DOCK7: variants seen among roughly 807,000 people sequenced by gnomAD.
DOCK7 encodes the protein dedicator of cytokinesis 7.
A neutral mutation model predicts 271.0 loss-of-function variants in DOCK7; 138 were observed. That is an observed-to-expected ratio of 0.51 (90% CI 0.44 to 0.59). The LOEUF (loss-of-function observed/expected upper bound fraction) is 0.59, where lower values mean the gene tolerates loss of function less well. Among genes scored for constraint, DOCK7 ranks in the 20% least tolerant of loss-of-function variants. The probability of loss-of-function intolerance (pLI) is 0.00; values close to 1 mark genes in which losing one functional copy is unlikely to be tolerated. For synonymous variants in DOCK7, 823 were observed against 876.1 expected, an observed-to-expected ratio of 0.94 and a Z score of 1.07; for missense variants, 2,066 against 2,592.4, an observed-to-expected ratio of 0.80 and a Z score of 4.41.
chr1:62,494,253 T>G, intron 40 of DOCK7, 22 bp downstream of exon 40: 1 of 1,549,914 alleles, frequency 6.5e-7, no homozygotes, highest in East Asian at 2.3e-5. Flanking sequence ...CTTGATTTAA[T>G]GTACATCTGG....
At chr1:62,600,133 C>A (rs1005695902) in intron 14 of DOCK7, among the ~76,000 whole-genome samples, 2 of 151,816 alleles carry the variant, frequency 1.3e-5, no homozygotes, top group African/African-American at 2.4e-5. Context: ...TCAATTATAT[C>A]TTTTACTATG....
chr1:62,661,790 G>A (rs1211903229), intron 2 of DOCK7, among the ~76,000 whole-genome samples: 1 of 152,032 alleles, frequency 6.6e-6, no homozygotes, highest in African/African-American at 2.4e-5. Context: ...TTACATATGG[G>A]TTATAGTTAT....
At chr1:62,629,825 A>G (rs1052396064) in intron 11 of DOCK7, among the ~76,000 whole-genome samples, 2 of 152,256 alleles carry the variant, frequency 1.3e-5, no homozygotes, top group African/African-American at 4.8e-5. Context: ...TCCCTACAGC[A>G]TATTTCTGGT....
chr1:62,644,522 A>T (rs1458546634), intron 7 of DOCK7, among the ~76,000 whole-genome samples: 2 of 152,204 alleles, frequency 1.3e-5, no homozygotes, highest in Non-Finnish European at 2.9e-5. Context: ...TAGCTACAGA[A>T]CACTTACTCC....
chr1:62,536,895 C>T (rs965737394), intron 28 of DOCK7, among the ~76,000 whole-genome samples: 1 of 152,170 alleles, frequency 6.6e-6, no homozygotes, highest in African/African-American at 2.4e-5. Flanking sequence ...ATCTCTTCAT[C>T]TCAATTTATA....
chr1:62,667,568 A>G (rs971906490), intron 1 of DOCK7, among the ~76,000 whole-genome samples: 2 of 152,200 alleles, frequency 1.3e-5, no homozygotes, highest in Admixed American at 1.3e-4. Context: ...TACAAAAATT[A>G]GCTGGGCATG....
chr1:62,550,776 A>C lies in DOCK7; in HGVS notation c.2766+1956T>G, dbSNP rs1220838155. ...ACTCTTGTCTCACAGGCTGGAGTGC[A>C]ATGGTGAGATCTCGGCTCCCTGCAA... On this transcript the variant is annotated intron_variant, in intron 22 of 49. Coordinates refer to ENST00000635253, the MANE Select transcript of DOCK7 (RefSeq NM_001367561.1). 3.3e-5 allele frequency among the ~76,000 whole-genome samples: 5 copies of C among 151,318 alleles called. No individual in the cohort carries two copies. The East Asian group carries it at 9.7e-4, about 29-fold the overall frequency.
At chr1:62,473,342 A>G (rs1433406517) in intron 48 of DOCK7, among the ~76,000 whole-genome samples, 1 of 152,116 alleles carries the variant, frequency 6.6e-6, no homozygotes, top group Non-Finnish European at 1.5e-5. Flanking sequence ...GGGGGGAGGG[A>G]AGCAGAAACT....
intron 1 of DOCK7, 34 bp from the exon 2 acceptor site, chr1:62,663,164 T>TA (rs1450122600): frequency 9.1e-6 from 13 of 1,429,210 alleles, no homozygotes; most frequent in Admixed American, 2.1e-5. Flanking sequence ...TACGCATTAT[T>TA]GAAAAAAAAA....
At chr1:62,509,499 C>T (rs1644419075) in intron 34 of DOCK7, among the ~76,000 whole-genome samples, 1 of 151,938 alleles carries the variant, frequency 6.6e-6, no homozygotes, top group Non-Finnish European at 1.5e-5. Flanking sequence ...AGAACACATT[C>T]TACAAATGCA....
At chr1:62,559,321 C>T in intron 19 of DOCK7, 101 bp from the exon 20 acceptor site, 1 of 787,056 alleles carries the variant, frequency 1.3e-6, no homozygotes, top group Non-Finnish European at 2.0e-6. Context: ...TACTTGATAA[C>T]ACTAAAAAGT....
intron 1 of DOCK7, among the ~76,000 whole-genome samples, chr1:62,666,925 C>CCATTCCTACAAG (rs1659386196): frequency 6.6e-6 from 1 of 152,230 alleles, no homozygotes; most frequent in African/African-American, 2.4e-5. Context: ...TCCACTCTCT[C>CCATTCCTACAAG]CATTCCTACA....
chr1:62,469,726 C>A lies in DOCK7; in HGVS notation c.6212+4256G>T, dbSNP rs536917010. Among the ~76,000 whole-genome samples, 16 of 152,070 alleles carry A rather than the reference C, an allele frequency of 1.1e-4. No individual in the cohort carries two copies. The South Asian group carries it at 3.1e-3, about 30-fold the overall frequency. ...CTCAAACAAATTAGCAAGAAAAAAACAAATAATTTCGTCAAAAAGTGGGCT... is the reference window on the plus strand; with the variant it reads ...CTCAAACAAATTAGCAAGAAAAAAAAAAATAATTTCGTCAAAAAGTGGGCT... On this transcript the variant is annotated intron_variant, in intron 48 of 49. Transcript: ENST00000635253.
At chr1:62,609,788 T>C (rs937563517) in intron 14 of DOCK7, among the ~76,000 whole-genome samples, 1 of 152,132 alleles carries the variant, frequency 6.6e-6, no homozygotes, top group Non-Finnish European at 1.5e-5. Flanking sequence ...AACTAAAAAC[T>C]TCTGGGTGGC....
chr1:62,487,776 C>T (rs955089699), intron 42 of DOCK7: 2 of 185,248 alleles, frequency 1.1e-5, no homozygotes, highest in African/African-American at 4.7e-5. Flanking sequence ...GCCAACGACA[C>T]AAATGGCTAA....
chr1:62,680,886 C>T (rs1661044994), intron 1 of DOCK7, among the ~76,000 whole-genome samples: 1 of 152,130 alleles, frequency 6.6e-6, no homozygotes, highest in South Asian at 2.1e-4. Flanking sequence ...CAGGAAACAA[C>T]AGGTGCTGGA....
In DOCK7 at chr1:62,497,156, T is replaced by G. The variant is rs1014205997; in HGVS notation, c.4765-659A>C. ...ACTTTCACCTTGAAAATCTCCTACC[T>G]TATCTTCAGTGGCACCACTTTATCC... On this transcript the variant is annotated intron_variant, in intron 37 of 49. Transcript: ENST00000635253. Among the ~76,000 whole-genome samples, 15 of 152,318 alleles carry G rather than the reference T, an allele frequency of 9.8e-5. No individual in the cohort carries two copies. In the South Asian group the frequency reaches 3.1e-3, roughly 32 times the overall value.
At chr1:62,479,737 A>G in intron 43 of DOCK7, 1 of 386,434 alleles carries the variant, frequency 2.6e-6, no homozygotes, top group Non-Finnish European at 5.4e-6. Context: ...AGACTGGAAT[A>G]CAGTGGTGCA....
chr1:62,491,811 C>T (rs964034277), intron 41 of DOCK7, among the ~76,000 whole-genome samples: 2 of 152,166 alleles, frequency 1.3e-5, no homozygotes, highest in African/African-American at 2.4e-5. Flanking sequence ...TGTTTTGCTA[C>T]GTTTTTTAAC....
Sources: gnomAD v4.1 joint callset for allele counts (sites outside exome capture counted in the v4.1 genomes callset) on GRCh38, gnomAD v4.1.1 for gene constraint, MANE v1.5 for transcripts, NCBI Gene and HGNC (gene_info 2026-07-23, HGNC 2026-07-21) for gene names.